The following PXDNL variants were observed in gnomAD, a reference collection of about 807,000 sequenced individuals.
PXDNL encodes probable oxidoreductase PXDNL.
In PXDNL, 145 loss-of-function variants were observed where a neutral mutation model predicts 150.8. The ratio of observed to expected loss-of-function variants is 0.96; its 90% CI spans 0.84 to 1.10. PXDNL has a LOEUF of 1.10. Ranked by LOEUF, PXDNL falls within the 50% of genes least tolerant of loss-of-function variation. PXDNL has a pLI of 0.00. For synonymous variants in PXDNL, 757 were observed against 725.7 expected, an observed-to-expected ratio of 1.04 and a Z score of -0.69; for missense variants, 2,087 against 1,873.9, an observed-to-expected ratio of 1.11 and a Z score of -2.10.
rs559817173 is a variant in PXDNL at position 51,566,988 on chromosome 8, T to G, written c.309-10077A>C. Among the ~76,000 whole-genome samples, 272 of 151,946 alleles carry G rather than the reference T, an allele frequency of 1.8e-3. 1 individual carries two copies. Among genetic ancestry groups the G allele is most frequent in the African/African-American group, 6.0e-3 (249 of 41,528 alleles). On this transcript the variant is annotated intron_variant, in intron 3 of 22. Transcript: ENST00000356297. ...AAATCTGATGAGTTGTATTTTTACT[T>G]TTATTCAGTTCAAAATACTTTTAAA...
At chr8:51,769,685 A>C (rs547087137) in intron 1 of PXDNL, among the ~76,000 whole-genome samples, 1 of 152,358 alleles carries the variant, frequency 6.6e-6, no homozygotes, top group South Asian at 2.1e-4. Flanking sequence ...GATTAGGCTC[A>C]CCAATCTTGA....
intron 11 of PXDNL, 56 bp from the exon 12 acceptor site, chr8:51,447,218 G>A: frequency 6.4e-7 from 1 of 1,557,650 alleles, no homozygotes; most frequent in Non-Finnish European, 8.8e-7. Context: ...GAAAGCCAGA[G>A]CTGCTGGCTG....
intron 1 of PXDNL, among the ~76,000 whole-genome samples, chr8:51,682,370 G>T (rs903836615): frequency 2.0e-5 from 3 of 152,140 alleles, no homozygotes; most frequent in Non-Finnish European, 2.9e-5. Context: ...ATGACACCAA[G>T]AATCTTACAG....
intron 2 of PXDNL, among the ~76,000 whole-genome samples, chr8:51,627,976 C>G (rs998879476): frequency 1.3e-5 from 2 of 152,212 alleles, no homozygotes; most frequent in Middle Eastern, 6.8e-3. Context: ...TCCTCAAAAC[C>G]ATTCTAAAGC....
chr8:51,520,510 T>TCTC (rs1320339797), intron 4 of PXDNL, among the ~76,000 whole-genome samples: 1 of 151,366 alleles, frequency 6.6e-6, no homozygotes, highest in Non-Finnish European at 1.5e-5. Flanking sequence ...AGGACCCAAA[T>TCTC]CTCCTCGGAA....
intron 1 of PXDNL, among the ~76,000 whole-genome samples, chr8:51,696,805 TCA>T (rs769772282): frequency 0.16 from 4,135 of 26,226 alleles, 228 homozygotes; most frequent in African/African-American, 0.27. Context: ...ACATAGGTCT[TCA>T]CACACACACA....
intron 1 of PXDNL, among the ~76,000 whole-genome samples, chr8:51,740,799 G>A (rs973063396): frequency 3.3e-5 from 5 of 152,050 alleles, no homozygotes; most frequent in East Asian, 1.9e-4. Context: ...CTTGCATCCC[G>A]GTGATGAAGC....
intron 5 of PXDNL, among the ~76,000 whole-genome samples, chr8:51,493,391 G>A (rs1810948369): frequency 6.6e-6 from 1 of 152,194 alleles, no homozygotes; most frequent in Admixed American, 6.5e-5. Flanking sequence ...CTCCTCCAAA[G>A]GAAGGCAGCT....
At chr8:51,709,116 C>T (rs1432834659) in intron 1 of PXDNL, among the ~76,000 whole-genome samples, 2 of 151,982 alleles carry the variant, frequency 1.3e-5, no homozygotes, top group Non-Finnish European at 2.9e-5. Context: ...CATTTGTAAT[C>T]AAATAAATGC....
intron 1 of PXDNL, among the ~76,000 whole-genome samples, chr8:51,779,826 T>A (rs1241296288): frequency 6.6e-6 from 1 of 152,166 alleles, no homozygotes; most frequent in Admixed American, 6.5e-5. Flanking sequence ...GGCAGGGACA[T>A]CACTTGCAGG....
chr8:51,430,359 T>A (rs1385104669), intron 12 of PXDNL, among the ~76,000 whole-genome samples: 2 of 152,180 alleles, frequency 1.3e-5, no homozygotes, highest in Non-Finnish European at 2.9e-5. Flanking sequence ...TCCTTCAGGA[T>A]GAATCCCAAG....
intron 5 of PXDNL, among the ~76,000 whole-genome samples, chr8:51,494,329 C>T (rs1349179731): frequency 6.6e-6 from 1 of 151,852 alleles, no homozygotes; most frequent in Non-Finnish European, 1.5e-5. Context: ...CAAAAACATG[C>T]CAAATTGTAA....
chr8:51,580,912 G>A (rs1342897293), intron 3 of PXDNL, among the ~76,000 whole-genome samples: 2 of 152,126 alleles, frequency 1.3e-5, no homozygotes, highest in Non-Finnish European at 2.9e-5. Flanking sequence ...AAACTCCATA[G>A]ATATTTTTTT....
At chr8:51,646,482 T>C (rs1814921218) in intron 2 of PXDNL, among the ~76,000 whole-genome samples, 1 of 152,190 alleles carries the variant, frequency 6.6e-6, no homozygotes, top group African/African-American at 2.4e-5. Context: ...GTTGACCCCC[T>C]GTGTCAGATA....
At chr8:51,731,037 C>T (rs1816908526) in intron 1 of PXDNL, among the ~76,000 whole-genome samples, 1 of 152,174 alleles carries the variant, frequency 6.6e-6, no homozygotes, top group African/African-American at 2.4e-5. Context: ...CCTCCCAAAT[C>T]TCATGTTCTC....
chr8:51,377,837 G>C (rs113335700), intron 17 of PXDNL, among the ~76,000 whole-genome samples: 7,229 of 152,304 alleles, frequency 0.047, 541 homozygotes, highest in African/African-American at 0.16. Context: ...GCCTCCCGGA[G>C]GAGCGCCACT....
intron 2 of PXDNL, among the ~76,000 whole-genome samples, chr8:51,643,469 T>C (rs1275539860): frequency 2.0e-5 from 3 of 152,132 alleles, no homozygotes; most frequent in South Asian, 2.1e-4. Flanking sequence ...ATAAATGGTG[T>C]TGGGAAAACT....
At chr8:51,599,393 C>T (rs1813644072) in intron 2 of PXDNL, among the ~76,000 whole-genome samples, 1 of 151,642 alleles carries the variant, frequency 6.6e-6, no homozygotes, top group Non-Finnish European at 1.5e-5. Context: ...TTCCTCTTAA[C>T]ATTGCTTTTG....
At chr8:51,588,139 A>G (rs951594245) in intron 3 of PXDNL, among the ~76,000 whole-genome samples, 6 of 152,154 alleles carry the variant, frequency 3.9e-5, no homozygotes, top group Non-Finnish European at 5.9e-5. Context: ...CCAGGGTCAG[A>G]GAGTAGAAAG....
Sources: allele counts gnomAD v4.1 joint callset (sites outside exome capture counted in the v4.1 genomes callset), GRCh38; gene constraint gnomAD v4.1.1; transcripts MANE v1.5; gene names NCBI Gene and HGNC (gene_info 2026-07-23, HGNC 2026-07-21).